SORBS2: variants seen among roughly 807,000 people sequenced by gnomAD.
SORBS2 encodes the protein sorbin and SH3 domain containing 2, also known as sorbin and SH3 domain-containing protein 2.
Under a neutral mutation model 97.7 loss-of-function variants are expected in SORBS2, and 46 were observed. The observed-to-expected ratio is 0.47, with a 90% CI of 0.37 to 0.60. The LOEUF is 0.60. SORBS2 is among the 20% of genes least tolerant of loss of function. The pLI is 0.00. For synonymous variants in SORBS2, 476 were observed against 473.4 expected (o/e 1.01, Z -0.07); for missense variants, 1,316 against 1,282.3 (o/e 1.03, Z -0.40).
At chr4:185,951,369 C>T (rs2099277149) in intron 1 of SORBS2, among the ~76,000 whole-genome samples, 1 of 152,174 alleles carries the variant, frequency 6.6e-6, no homozygotes, top group Non-Finnish European at 1.5e-5. Context: ...CATCACCCTG[C>T]CTCCTAATCC....
intron 12 of SORBS2, among the ~76,000 whole-genome samples, chr4:185,594,672 A>G (rs971164797): frequency 4.6e-5 from 7 of 152,224 alleles, no homozygotes; most frequent in African/African-American, 1.7e-4. Context: ...GATACTTATA[A>G]TATTGGAAAT....
intron 2 of SORBS2, 61 bp from the exon 11 acceptor site, chr4:185,651,889 G>T: frequency 2.4e-6 from 2 of 834,796 alleles, no homozygotes; most frequent in East Asian, 2.5e-5. Context: ...CAACGAGACA[G>T]CAGAACTTCA....
chr4:185,909,234 T>G (rs969294349), intron 1 of SORBS2, among the ~76,000 whole-genome samples: 12 of 152,214 alleles, frequency 7.9e-5, no homozygotes. Flanking sequence ...GAAATTATGT[T>G]TTTTGCAGCA....
chr4:185,638,041 T>C, intron 4 of SORBS2, 38 bp downstream of exon 15: 1 of 1,197,088 alleles, frequency 8.4e-7, no homozygotes, highest in Non-Finnish European at 1.2e-6. Flanking sequence ...AACAGTATAC[T>C]CCTAGTTTTC....
intron 1 of SORBS2, among the ~76,000 whole-genome samples, chr4:185,816,404 TG>T (rs2099193273): frequency 6.6e-6 from 1 of 152,228 alleles, no homozygotes; most frequent in Non-Finnish European, 1.5e-5. Context: ...AAGCTTAGAT[TG>T]AATTTTCTAA....
At position 185,623,259 on chromosome 4, in the gene SORBS2, T is replaced by C; in HGVS notation, c.1870A>G (p.Lys624Glu). ...AACACAGATGCTTTACATTTTGCCTTTTCAGTCTGTTTCTTAGGAGCCGAA... is the reference window on the plus strand; with the variant it reads ...AACACAGATGCTTTACATTTTGCCTCTTCAGTCTGTTTCTTAGGAGCCGAA... The change falls in exon 7 of 15, where the codon AAG becomes GAG. Residue 624 changes from lysine to glutamate, a missense_variant. Transcript: ENST00000418609. The surrounding 1 kb of genome is among the most constrained non-coding windows in gnomAD (Gnocchi z 6.4). 1 of 1,614,126 alleles carries C rather than the reference T, an allele frequency of 6.2e-7. No homozygotes were observed. The highest frequency in any genetic ancestry group is 8.5e-7 in the Non-Finnish European group (1 of 1,180,024).
At chr4:185,830,877 C>T (rs1204477101) in intron 1 of SORBS2, among the ~76,000 whole-genome samples, 2 of 152,184 alleles carry the variant, frequency 1.3e-5, no homozygotes, top group Non-Finnish European at 2.9e-5. Flanking sequence ...CTCACGGCCT[C>T]TGTTGTTTCC....
intron 1 of SORBS2, among the ~76,000 whole-genome samples, chr4:185,883,565 C>G (rs1445710096): frequency 2.6e-5 from 4 of 152,214 alleles, no homozygotes; most frequent in Non-Finnish European, 5.9e-5. Context: ...TACAAATGTT[C>G]AAAGCAGCTT....
intron 2 of SORBS2, among the ~76,000 whole-genome samples, chr4:185,682,551 A>G (rs1017971833): frequency 6.6e-6 from 1 of 152,222 alleles, no homozygotes; most frequent in Non-Finnish European, 1.5e-5. Flanking sequence ...GAGGTTTTAC[A>G]TAAAGGCTGT....
intron 2 of SORBS2, among the ~76,000 whole-genome samples, chr4:185,692,253 C>A (rs1191755880): frequency 6.6e-6 from 1 of 152,066 alleles, no homozygotes; most frequent in Admixed American, 6.6e-5. Flanking sequence ...TCCACAAGAA[C>A]CCCCCCGCAC....
Position 185,623,500 on chromosome 4 carries a change from G to T in SORBS2, c.1629C>A (p.Ser543Arg), listed in dbSNP as rs201255950. ...GGTGGTGGTGATGGTGGTGGTGGTG[G>T]CTGGATCCGTAAAAGCTTTCGGAGG... Residue 543 changes from serine (S) to arginine (R), a missense_variant, in exon 7 of 15, where the codon AGC becomes AGA. Physicochemically the swap from Ser to Arg is moderately radical, Grantham distance 110. Transcript: ENST00000418609. This position sits in a 1 kb window ranked among gnomAD's most constrained non-coding sequence, Gnocchi z 6.4. The T allele has an allele frequency of 1.9e-4, 313 of 1,613,538 alleles. 1 individual carries two copies. Among genetic ancestry groups the T allele is most frequent in the Non-Finnish European group, 8.5e-6 (10 of 1,179,972 alleles).
At position 185,629,328 on chromosome 4, in the gene SORBS2, A is replaced by G. The variant is rs548722885; in HGVS notation, c.446+1221T>C. 3.9e-5 allele frequency among the ~76,000 whole-genome samples: 6 copies of G among 152,202 alleles called. No individual in the cohort carries two copies. In the South Asian group the frequency reaches 1.2e-3, roughly 32 times the overall value. On this transcript the variant is annotated intron_variant, in intron 5 of 14. Transcript: ENST00000418609. Reference sequence around the variant, plus strand: ...TCAAATATTTTAGGTGCATAGATAGAGGCAGAAGATAAAAAGGAGGGGTTC... The same window carrying G: ...TCAAATATTTTAGGTGCATAGATAGGGGCAGAAGATAAAAAGGAGGGGTTC...
intron 5 of SORBS2, among the ~76,000 whole-genome samples, chr4:185,627,536 C>T (rs1445329847): frequency 6.6e-6 from 1 of 152,104 alleles, no homozygotes; most frequent in Admixed American, 6.5e-5. Flanking sequence ...TTTTTTAGGG[C>T]AGTTTTAGGC....
intron 1 of SORBS2, among the ~76,000 whole-genome samples, chr4:185,939,429 G>A (rs993217991): frequency 3.1e-4 from 47 of 152,078 alleles, no homozygotes; most frequent in African/African-American, 1.1e-3. Flanking sequence ...TTTGGCCCAC[G>A]TCCCTCTCTG....
chr4:185,932,078 TTA>T (rs1458634837), intron 1 of SORBS2, among the ~76,000 whole-genome samples: 1 of 151,524 alleles, frequency 6.6e-6, no homozygotes. Flanking sequence ...ATATATTTAT[TTA>T]TATATGTGTG....
intron 11 of SORBS2, 25 bp from the exon 24 acceptor site, chr4:185,612,005 A>T: frequency 7.4e-7 from 1 of 1,357,584 alleles, no homozygotes; most frequent in Non-Finnish European, 1.1e-6. Flanking sequence ...AGAAAAATGC[A>T]TTAGAAACAG....
intron 1 of SORBS2, among the ~76,000 whole-genome samples, chr4:185,831,126 T>A (rs2099204891): frequency 6.6e-6 from 1 of 152,210 alleles, no homozygotes; most frequent in Non-Finnish European, 1.5e-5. Context: ...CACTTGATCG[T>A]ACACTCTAAA....
At chr4:185,844,823 G>T (rs1218112441) in intron 1 of SORBS2, among the ~76,000 whole-genome samples, 1 of 152,144 alleles carries the variant, frequency 6.6e-6, no homozygotes, top group Non-Finnish European at 1.5e-5. Context: ...GAAACCTTGA[G>T]AACTTATGCT....
chr4:185,690,196 G>C (rs1056430050), intron 2 of SORBS2, among the ~76,000 whole-genome samples: 2 of 152,184 alleles, frequency 1.3e-5, no homozygotes, highest in Non-Finnish European at 2.9e-5. Context: ...TTATAGAACA[G>C]GTAAGTTTGA....
Sources: gnomAD v4.1 joint callset for allele counts (sites outside exome capture counted in the v4.1 genomes callset) on GRCh38, gnomAD v4.1.1 for gene constraint, Gnocchi (gnomAD v3.1) non-coding constraint, MANE v1.5 for transcripts, NCBI Gene and HGNC (gene_info 2026-07-23, HGNC 2026-07-21) for gene names.